SLC14A2: variants seen among roughly 807,000 people sequenced by gnomAD.
The protein encoded by SLC14A2 is solute carrier family 14 member 2.
Under a neutral mutation model 104.6 loss-of-function variants are expected in SLC14A2, and 91 were observed. That is an observed-to-expected ratio of 0.87 (90% CI 0.73 to 1.04). The LOEUF is 1.04. Ranked by LOEUF, SLC14A2 falls within the 50% of genes least tolerant of loss-of-function variation. SLC14A2 has a pLI of 0.00. For synonymous variants in SLC14A2, 476 were observed against 466.4 expected (o/e 1.02, Z -0.27); for missense variants, 1,189 against 1,156.0 (o/e 1.03, Z -0.41).
At chr18:45,578,823 C>A (rs906965306) in intron 2 of SLC14A2, among the ~76,000 whole-genome samples, 7 of 152,236 alleles carry the variant, frequency 4.6e-5, no homozygotes, top group African/African-American at 1.7e-4. Context: ...CAAATCACCT[C>A]AAACATGTTG....
chr18:45,466,746 G>A (rs546183563), intron 1 of SLC14A2, among the ~76,000 whole-genome samples: 27 of 151,862 alleles, frequency 1.8e-4, no homozygotes, highest in African/African-American at 6.3e-4. Context: ...GAATGCAATG[G>A]GCAGTGATTG....
chr18:45,319,176 C>A (rs1237191540), intron 1 of SLC14A2, among the ~76,000 whole-genome samples: 1 of 152,220 alleles, frequency 6.6e-6, no homozygotes, highest in Non-Finnish European at 1.5e-5. Context: ...ACTCTCCATT[C>A]CCTTCCATGC....
chr18:45,410,082 C>T, intron 1 of SLC14A2, among the ~76,000 whole-genome samples: 1 of 152,160 alleles, frequency 6.6e-6, no homozygotes, highest in East Asian at 1.9e-4. Context: ...ACCTGGAGCC[C>T]TCCCATGCAC....
At chr18:45,278,618 G>A (rs927262557) in intron 1 of SLC14A2, among the ~76,000 whole-genome samples, 1 of 152,020 alleles carries the variant, frequency 6.6e-6, no homozygotes, top group Non-Finnish European at 1.5e-5. Flanking sequence ...TATACAAAGG[G>A]GACTGGTTCC....
At chr18:45,320,268 G>C (rs1422641961) in intron 1 of SLC14A2, among the ~76,000 whole-genome samples, 1 of 152,034 alleles carries the variant, frequency 6.6e-6, no homozygotes, top group Non-Finnish European at 1.5e-5. Context: ...TCTAATTTTT[G>C]GCACATCTTT....
chr18:45,644,816 C>A (rs1037239951), intron 10 of SLC14A2, among the ~76,000 whole-genome samples: 3 of 152,046 alleles, frequency 2.0e-5, no homozygotes, highest in Non-Finnish European at 4.4e-5. Context: ...GGAGGATAAG[C>A]ATTTCTTAGT....
chr18:45,571,485 T>G (rs1416136712), intron 2 of SLC14A2, among the ~76,000 whole-genome samples: 1 of 152,246 alleles, frequency 6.6e-6, no homozygotes, highest in East Asian at 1.9e-4. Flanking sequence ...TTTCAAGGAT[T>G]TACTGGTAGA....
intron 1 of SLC14A2, among the ~76,000 whole-genome samples, chr18:45,398,116 T>C (rs1316808366): frequency 3.9e-5 from 6 of 152,128 alleles, no homozygotes; most frequent in Non-Finnish European, 8.8e-5. Flanking sequence ...TTACTTTATA[T>C]ATGGGAAAAC....
intron 2 of SLC14A2, among the ~76,000 whole-genome samples, chr18:45,503,371 T>C (rs1012319620): frequency 1.3e-5 from 2 of 152,182 alleles, no homozygotes; most frequent in African/African-American, 4.8e-5. Flanking sequence ...GCTCTGTGCT[T>C]ACTGAGCAAG....
chr18:45,638,864 T>C (rs2045468771), intron 6 of SLC14A2, among the ~76,000 whole-genome samples: 1 of 152,150 alleles, frequency 6.6e-6, no homozygotes. Context: ...AGAGCCCTGA[T>C]GGAAGCTAGA....
At chr18:45,201,509 G>C in the SLC14A2 span, among the ~76,000 whole-genome samples, 1 of 151,742 alleles carries the variant, frequency 6.6e-6, no homozygotes, top group African/African-American at 2.4e-5. Context: ...TGGCTCTTGT[G>C]TTCCTTTGAC....
chr18:45,611,043 A>G (rs780839393), upstream of SLC14A2, among the ~76,000 whole-genome samples: 2 of 152,222 alleles, frequency 1.3e-5, no homozygotes, highest in Non-Finnish European at 2.9e-5. Flanking sequence ...CAGGTGCTCC[A>G]CTAGGAGAAC....
At chr18:45,577,392 A>G (rs546362900) in intron 2 of SLC14A2, among the ~76,000 whole-genome samples, 10 of 152,258 alleles carry the variant, frequency 6.6e-5, no homozygotes, top group Admixed American at 6.5e-4. Flanking sequence ...TATTTGTAAG[A>G]GGAGAGTCAC....
chr18:45,293,934 T>C (rs573092899), intron 1 of SLC14A2, among the ~76,000 whole-genome samples: 1 of 152,350 alleles, frequency 6.6e-6, no homozygotes, highest in East Asian at 1.9e-4. Flanking sequence ...TTCTAGAAGA[T>C]AACTGAGCGA....
intron 1 of SLC14A2, among the ~76,000 whole-genome samples, chr18:45,455,122 T>G (rs892627843): frequency 2.0e-5 from 3 of 152,138 alleles, no homozygotes; most frequent in Non-Finnish European, 4.4e-5. Flanking sequence ...AATATTGATT[T>G]GACCCAGCAA....
At chr18:45,339,123 G>A (rs918254310) in intron 1 of SLC14A2, among the ~76,000 whole-genome samples, 4 of 152,050 alleles carry the variant, frequency 2.6e-5, no homozygotes, top group African/African-American at 9.7e-5. Context: ...TTCTGTTGTT[G>A]TTATTTGTTT....
chr18:45,353,371 C>A (rs928249401), intron 1 of SLC14A2, among the ~76,000 whole-genome samples: 3 of 152,172 alleles, frequency 2.0e-5, no homozygotes, highest in African/African-American at 7.2e-5. Context: ...TGATGGTAAA[C>A]TGGTGAAATG....
At chr18:45,253,429 C>T (rs751509058) in intron 1 of SLC14A2, among the ~76,000 whole-genome samples, 1 of 151,898 alleles carries the variant, frequency 6.6e-6, no homozygotes, top group Non-Finnish European at 1.5e-5. Context: ...ATTACTTCTA[C>T]ACAATGCTTC....
intron 2 of SLC14A2, among the ~76,000 whole-genome samples, chr18:45,487,402 C>T (rs2087627952): frequency 6.6e-6 from 1 of 152,200 alleles, no homozygotes. Context: ...CTTTTAATTA[C>T]ATCCGCAAAG....
Sources: gnomAD v4.1 joint callset for allele counts (sites outside exome capture counted in the v4.1 genomes callset) on GRCh38, gnomAD v4.1.1 for gene constraint, MANE v1.5 for transcripts, NCBI Gene and HGNC (gene_info 2026-07-23, HGNC 2026-07-21) for gene names.